The following SMAD9 variants were observed in gnomAD, a reference collection of about 807,000 sequenced individuals.
SMAD9 encodes MAD homolog 9.
Under a neutral mutation model 46.1 loss-of-function variants are expected in SMAD9, and 36 were observed. That is an observed-to-expected ratio of 0.78 (90% CI 0.60 to 1.03). SMAD9 has a LOEUF of 1.03. SMAD9 is among the 50% of genes least tolerant of loss of function. SMAD9 has a pLI of 0.00. For missense variants in SMAD9, 572 were observed against 599.8 expected, an observed-to-expected ratio of 0.95 and a Z score of 0.48; for synonymous variants, 245 against 237.1, an observed-to-expected ratio of 1.03 and a Z score of -0.31.
chr13:36,853,631 C>A lies in SMAD9; in HGVS notation c.1048G>T (p.Val350Leu), dbSNP rs757281925. Residue 350 changes from valine to leucine, a missense_variant, in exon 6 of 7, where the codon GTG becomes TTG. By Grantham distance (32) the Val-to-Leu change is conservative. Transcript: ENST00000379826. Reference protein sequence around the residue: ...YVGGEVYAECVSDSSIFVQSR... With the variant: ...YVGGEVYAECLSDSSIFVQSR... ...TGCACAAAGATGCTGCTGTCACTCA[C>A]GCACTCGGCATACACCTCTCCCCCG... 3.1e-6 allele frequency: 5 copies of A among 1,613,940 alleles called. No individual in the cohort carries two copies. Among genetic ancestry groups the A allele is most frequent in the Non-Finnish European group, 4.2e-6 (5 of 1,179,958 alleles).
At chr13:36,882,449 A>C (rs1441142850) in intron 1 of SMAD9, among the ~76,000 whole-genome samples, 2 of 152,218 alleles carry the variant, frequency 1.3e-5, no homozygotes, top group African/African-American at 4.8e-5. Flanking sequence ...GGAATTCCCA[A>C]CTAGTCATGA....
intron 3 of SMAD9, among the ~76,000 whole-genome samples, chr13:36,870,664 A>ACCCCCTTCTCCAC (rs1263285075): frequency 6.6e-6 from 1 of 152,138 alleles, no homozygotes; most frequent in African/African-American, 2.4e-5. Context: ...CCCAGTGGCT[A>ACCCCCTTCTCCAC]CCTGAAGTTG....
chr13:36,891,843 C>T (rs2058491232), intron 1 of SMAD9, among the ~76,000 whole-genome samples: 1 of 152,226 alleles, frequency 6.6e-6, no homozygotes, highest in South Asian at 2.1e-4. Flanking sequence ...CATCTGGCAT[C>T]TGTTAAATGC....
At chr13:36,851,593 T>G (rs2058075246) in intron 6 of SMAD9, 1 of 241,142 alleles carries the variant, frequency 4.1e-6, no homozygotes, top group Non-Finnish European at 6.7e-6. Flanking sequence ...GTGCCTGGCC[T>G]GCACATGGCA....
intron 1 of SMAD9, among the ~76,000 whole-genome samples, chr13:36,914,150 T>C (rs2058681279): frequency 6.6e-6 from 1 of 152,188 alleles, no homozygotes; most frequent in Admixed American, 6.5e-5. Flanking sequence ...TCTGCCAATC[T>C]GCTTTCTGTA....
intron 3 of SMAD9, among the ~76,000 whole-genome samples, chr13:36,868,831 G>T (rs2058260849): frequency 6.6e-6 from 1 of 152,062 alleles, no homozygotes; most frequent in Admixed American, 6.6e-5. Flanking sequence ...TTGAAAGCAG[G>T]GTGTTATTTA....
Position 36,913,823 on chromosome 13 carries a change from CAT to C in SMAD9, c.-187+6291_-187+6292del, listed in dbSNP as rs111227650. Among the ~76,000 whole-genome samples the C allele has an allele frequency of 1.1e-3, 173 of 152,314 alleles. 1 individual carries two copies. Among genetic ancestry groups the C allele is most frequent in the African/African-American group, 3.5e-3 (146 of 41,580 alleles). ...TGCATAAACAAGACAAAGAAAACCA[CAT>C]GAGACCTAAAATCTTTTTAGCTTAA... is the stretch of plus-strand genomic sequence containing the variant. On this transcript the variant is annotated intron_variant, in intron 1 of 6. Transcript: ENST00000379826.
chr13:36,875,873 C>T (rs763591621), intron 2 of SMAD9, among the ~76,000 whole-genome samples: 8 of 152,126 alleles, frequency 5.3e-5, no homozygotes, highest in Non-Finnish European at 7.3e-5. Context: ...ATACATTTCC[C>T]TTTATCATAA....
chr13:36,904,527 T>C (rs574357424), intron 1 of SMAD9, among the ~76,000 whole-genome samples: 2 of 152,262 alleles, frequency 1.3e-5, no homozygotes, highest in Admixed American at 1.3e-4. Flanking sequence ...TGCTTGGTCT[T>C]CAATTCAGCC....
chr13:36,892,339 G>A (rs565618957), intron 1 of SMAD9, among the ~76,000 whole-genome samples: 1 of 152,232 alleles, frequency 6.6e-6, no homozygotes, highest in South Asian at 2.1e-4. Context: ...ATGAAACACA[G>A]CAAAAGCCAA....
At chr13:36,900,887 A>T (rs2058569997) in intron 1 of SMAD9, among the ~76,000 whole-genome samples, 1 of 152,174 alleles carries the variant, frequency 6.6e-6, no homozygotes, top group South Asian at 2.1e-4. Context: ...AAACATTTTG[A>T]TCACTCCAAA....
chr13:36,908,079 T>C (rs945428467), intron 1 of SMAD9, among the ~76,000 whole-genome samples: 2 of 152,240 alleles, frequency 1.3e-5, no homozygotes, highest in African/African-American at 4.8e-5. Flanking sequence ...AATGTAAACA[T>C]ATCCATTTTC....
chr13:36,858,152 CCTCT>C (rs1339478698), intron 5 of SMAD9, among the ~76,000 whole-genome samples: 1 of 152,038 alleles, frequency 6.6e-6, no homozygotes, highest in Non-Finnish European at 1.5e-5. Flanking sequence ...ATTATATTCC[CCTCT>C]CTGTTTTCCT....
chr13:36,893,521 C>A (rs2058505338), intron 1 of SMAD9, among the ~76,000 whole-genome samples: 1 of 150,132 alleles, frequency 6.7e-6, no homozygotes, highest in South Asian at 2.1e-4. Context: ...AAGCAAAAAT[C>A]TGGAAATAAC....
intron 1 of SMAD9, among the ~76,000 whole-genome samples, chr13:36,900,750 T>C (rs2058568795): frequency 6.6e-6 from 1 of 151,658 alleles, no homozygotes; most frequent in African/African-American, 2.4e-5. Context: ...ATTTTACTTA[T>C]TTTAAAAAAA....
In SMAD9 at chr13:36,920,216, C is replaced by T. The variant is rs1009034050; in HGVS notation, c.-287G>A. On this transcript the variant is annotated 5_prime_UTR_variant, in exon 1 of 7. Transcript: ENST00000379826. ...GCGGCGGCGGCGGCGGCGGCGGCGGCCCCAGCCGGCGTCAGTCAGACTGGA... is the reference window on the plus strand; with the variant it reads ...GCGGCGGCGGCGGCGGCGGCGGCGGTCCCAGCCGGCGTCAGTCAGACTGGA... The T allele has an allele frequency of 1.2e-5, 2 of 164,004 alleles. No homozygotes were observed. Among genetic ancestry groups the T allele is most frequent in the South Asian group, 1.7e-4 (1 of 5,976 alleles). The allele number at this position is 164,004 out of a possible 1,614,324, so 10.2% of individuals were successfully genotyped here.
chr13:36,885,470 C>T (rs943108229), intron 1 of SMAD9, among the ~76,000 whole-genome samples: 6 of 152,096 alleles, frequency 3.9e-5, no homozygotes, highest in African/African-American at 7.2e-5. Context: ...AAATGAGTAG[C>T]AATCATAAGC....
intron 1 of SMAD9, among the ~76,000 whole-genome samples, chr13:36,888,270 TA>T (rs993977257): frequency 3.3e-5 from 5 of 152,332 alleles, no homozygotes; most frequent in African/African-American, 1.2e-4. Flanking sequence ...GTTCTCGTGA[TA>T]ATGAGTTCTC....
At chr13:36,881,658 C>T (rs1350521913) in intron 1 of SMAD9, among the ~76,000 whole-genome samples, 1 of 152,212 alleles carries the variant, frequency 6.6e-6, no homozygotes, top group Non-Finnish European at 1.5e-5. Context: ...TCCATAGCTG[C>T]TCTTTTCGCT....
Sources: allele counts gnomAD v4.1 joint callset (sites outside exome capture counted in the v4.1 genomes callset), GRCh38; gene constraint gnomAD v4.1.1; transcripts MANE v1.5; gene names NCBI Gene and HGNC (gene_info 2026-07-23, HGNC 2026-07-21).